The following EDNRA variants were observed in gnomAD, a reference collection of about 807,000 sequenced individuals.
EDNRA encodes endothelin receptor type A, also known as endothelin-1 receptor.
A neutral mutation model predicts 41.4 loss-of-function variants in EDNRA; 11 were observed. The observed-to-expected ratio is 0.27, with a 90% CI of 0.17 to 0.44. The LOEUF (loss-of-function observed/expected upper bound fraction) is 0.44, where lower values mean the gene tolerates loss of function less well. EDNRA is among the 20% of genes least tolerant of loss of function. The probability of loss-of-function intolerance (pLI) is 1.00; values close to 1 mark genes in which losing one functional copy is unlikely to be tolerated. For missense variants in EDNRA, 294 were observed against 531.0 expected (o/e 0.55, Z 4.39); for synonymous variants, 172 against 183.0 (o/e 0.94, Z 0.49).
At chr4:147,518,437 C>T (rs1730193964) in intron 2 of EDNRA, among the ~76,000 whole-genome samples, 1 of 152,044 alleles carries the variant, frequency 6.6e-6, no homozygotes, top group Admixed American at 6.6e-5. Flanking sequence ...AAACCAGAGG[C>T]ACTATTGGAT....
At chr4:147,539,580 C>G (rs1018525058) in intron 5 of EDNRA, among the ~76,000 whole-genome samples, 1 of 152,030 alleles carries the variant, frequency 6.6e-6, no homozygotes, top group African/African-American at 2.4e-5. Flanking sequence ...CCCTAATAAC[C>G]AACCTGAGGC....
intron 3 of EDNRA, among the ~76,000 whole-genome samples, chr4:147,525,213 T>C (rs1392823671): frequency 1.3e-5 from 2 of 152,248 alleles, no homozygotes; most frequent in African/African-American, 4.8e-5. Context: ...TTTCTCACTA[T>C]CAGCTTTTAA....
chr4:147,542,152 G>A (rs898855675), intron 7 of EDNRA, among the ~76,000 whole-genome samples: 7 of 152,134 alleles, frequency 4.6e-5, no homozygotes, highest in Admixed American at 1.3e-4. Flanking sequence ...CTGAAGAAAC[G>A]CTAGGACCCC....
At chr4:147,532,145 T>C (rs1430804687) in intron 3 of EDNRA, among the ~76,000 whole-genome samples, 63 of 105,676 alleles carry the variant, frequency 6.0e-4, no homozygotes, top group African/African-American at 3.0e-3. Flanking sequence ...ACCCCGTCTC[T>C]ACTAAAAAAA....
At chr4:147,517,125 T>C (rs1730143768) in intron 2 of EDNRA, among the ~76,000 whole-genome samples, 1 of 152,222 alleles carries the variant, frequency 6.6e-6, no homozygotes, top group Admixed American at 6.5e-5. Flanking sequence ...AACTTTGCAT[T>C]ATATAAGCTT....
intron 3 of EDNRA, among the ~76,000 whole-genome samples, chr4:147,531,225 G>T (rs1431283193): frequency 6.6e-6 from 1 of 152,132 alleles, no homozygotes; most frequent in Non-Finnish European, 1.5e-5. Flanking sequence ...TACTCTGTTT[G>T]AACCATTCTT....
intron 7 of EDNRA, 108 bp downstream of exon 7, chr4:147,540,593 C>T: frequency 1.4e-6 from 1 of 711,736 alleles, no homozygotes; most frequent in East Asian, 2.8e-5. Flanking sequence ...AGCTATACTA[C>T]TTTTTAGCAG....
At chr4:147,531,868 G>C (rs1423304283) in intron 3 of EDNRA, 1 of 150,998 alleles carries the variant, frequency 6.6e-6, no homozygotes, top group African/African-American at 2.5e-5. Context: ...AAATTAGCCG[G>C]GTGTGGTGGC....
intron 2 of EDNRA, among the ~76,000 whole-genome samples, chr4:147,517,468 G>A (rs573346519): frequency 9.9e-5 from 15 of 152,270 alleles, no homozygotes; most frequent in East Asian, 5.8e-4. Flanking sequence ...GAAAAGAGGG[G>A]GACGTTGCCT....
intron 2 of EDNRA, among the ~76,000 whole-genome samples, chr4:147,500,693 G>GA (rs1011441368): frequency 1.8e-4 from 27 of 147,534 alleles, no homozygotes; most frequent in African/African-American, 4.8e-4. Context: ...AGCTTGGAAG[G>GA]AAAAAAAAAT....
chr4:147,496,969 A>G (rs1051016068), intron 2 of EDNRA, among the ~76,000 whole-genome samples: 6 of 152,126 alleles, frequency 3.9e-5, no homozygotes, highest in Non-Finnish European at 8.8e-5. Context: ...ATAGCTGTGT[A>G]CATAATGATA....
chr4:147,481,449 C>A, intron 1 of EDNRA, 73 bp downstream of exon 1: 1 of 152,622 alleles, frequency 6.6e-6, no homozygotes, highest in Non-Finnish European at 1.5e-5. Flanking sequence ...CTGCCTGGGC[C>A]CCTCGGTCGG....
At chr4:147,523,421 G>GT (rs1247973990) in intron 3 of EDNRA, among the ~76,000 whole-genome samples, 4 of 151,598 alleles carry the variant, frequency 2.6e-5, no homozygotes, top group Non-Finnish European at 5.9e-5. Flanking sequence ...TTGGGATTTG[G>GT]TATGTCACTG....
chr4:147,515,292 G>C (rs761562401), intron 2 of EDNRA, among the ~76,000 whole-genome samples: 1 of 152,122 alleles, frequency 6.6e-6, no homozygotes, highest in Non-Finnish European at 1.5e-5. Context: ...TCTACCCCTA[G>C]ATGCGAGTAG....
chr4:147,533,031 A>G (rs1403409630), intron 4 of EDNRA, among the ~76,000 whole-genome samples: 32 of 151,992 alleles, frequency 2.1e-4, no homozygotes, highest in South Asian at 1.0e-3. Flanking sequence ...GTGTGTATAT[A>G]TATATATACA....
intron 2 of EDNRA, chr4:147,490,013 C>T (rs1729082641): frequency 1.3e-5 from 2 of 152,152 alleles, no homozygotes. Context: ...AATGTAGTCA[C>T]CGAATTGCTG....
chr4:147,510,664 C>T (rs1560904593), intron 2 of EDNRA, among the ~76,000 whole-genome samples: 1 of 152,124 alleles, frequency 6.6e-6, no homozygotes, highest in African/African-American at 2.4e-5. Context: ...TACATTTTAG[C>T]TTTTCCTTTG....
intron 2 of EDNRA, among the ~76,000 whole-genome samples, chr4:147,502,105 TA>T (rs909707165): frequency 3.3e-5 from 5 of 152,032 alleles, no homozygotes; most frequent in Admixed American, 6.6e-5. Flanking sequence ...AGATTGCCTA[TA>T]AAAAAATGGT....
chr4:147,497,298 A>T (rs1729339307), intron 2 of EDNRA, among the ~76,000 whole-genome samples: 1 of 151,252 alleles, frequency 6.6e-6, no homozygotes, highest in African/African-American at 2.4e-5. Context: ...TGCCTGGCCC[A>T]GAATTCTTTT....
Sources: allele counts gnomAD v4.1 joint callset (sites outside exome capture counted in the v4.1 genomes callset), GRCh38; gene constraint gnomAD v4.1.1; transcripts MANE v1.5; gene names NCBI Gene and HGNC (gene_info 2026-07-23, HGNC 2026-07-21).